Variants in CADPS2 observed in about 807,000 individuals in gnomAD.
CADPS2 encodes calcium-dependent secretion activator 2.
Under a neutral mutation model 172.5 loss-of-function variants are expected in CADPS2, and 93 were observed. The ratio of observed to expected loss-of-function variants is 0.54; its 90% CI spans 0.46 to 0.64. The LOEUF (loss-of-function observed/expected upper bound fraction) is 0.64, where lower values mean the gene tolerates loss of function less well. Among genes scored for constraint, CADPS2 ranks in the 30% least tolerant of loss-of-function variants. CADPS2 has a pLI of 0.00. For missense variants in CADPS2, 1,420 were observed against 1,565.9 expected (o/e 0.91, Z 1.57); for synonymous variants, 546 against 555.2 (o/e 0.98, Z 0.23).
At chr7:122,498,115 T>A (rs1010797047) in intron 9 of CADPS2, among the ~76,000 whole-genome samples, 1 of 152,076 alleles carries the variant, frequency 6.6e-6, no homozygotes. Context: ...GCCTGGCTAA[T>A]TTTTGTATTT....
intron 19 of CADPS2, among the ~76,000 whole-genome samples, chr7:122,410,443 CT>C (rs5887087): frequency 0.024 from 3,325 of 138,240 alleles, 41 homozygotes; most frequent in East Asian, 0.043. Flanking sequence ...CTTGGAAAGC[CT>C]TTTTTTTTTT....
intron 14 of CADPS2, among the ~76,000 whole-genome samples, chr7:122,452,689 C>T (rs769906954): frequency 3.3e-5 from 5 of 152,132 alleles, no homozygotes; most frequent in Non-Finnish European, 7.4e-5. Flanking sequence ...AGCCACCGTG[C>T]CCAGCTTAGC....
intron 15 of CADPS2, among the ~76,000 whole-genome samples, chr7:122,448,573 C>T (rs566251249): frequency 9.2e-5 from 14 of 152,232 alleles, no homozygotes; most frequent in Admixed American, 4.6e-4. Context: ...CAATAAATGA[C>T]GTGGACATCC....
intron 4 of CADPS2, among the ~76,000 whole-genome samples, chr7:122,625,225 T>G (rs1259649377): frequency 3.3e-5 from 5 of 152,024 alleles, no homozygotes; most frequent in Non-Finnish European, 4.4e-5. Flanking sequence ...TAATTTTGTA[T>G]TTTTAGTAGA....
At chr7:122,716,553 T>A (rs950436088) in intron 2 of CADPS2, among the ~76,000 whole-genome samples, 2 of 151,998 alleles carry the variant, frequency 1.3e-5, no homozygotes, top group Non-Finnish European at 2.9e-5. Flanking sequence ...CGGGGAGGGA[T>A]AGCATTAGGA....
intron 1 of CADPS2, among the ~76,000 whole-genome samples, chr7:122,763,086 G>T (rs1278056497): frequency 6.6e-6 from 1 of 152,078 alleles, no homozygotes; most frequent in East Asian, 1.9e-4. Context: ...TGTGTTAACA[G>T]GCCTTTGGAT....
At chr7:122,740,093 A>C (rs897992880) in intron 1 of CADPS2, among the ~76,000 whole-genome samples, 1 of 152,184 alleles carries the variant, frequency 6.6e-6, no homozygotes, top group Admixed American at 6.5e-5. Context: ...GATGCTGGCA[A>C]GGATATAGAC....
intron 3 of CADPS2, among the ~76,000 whole-genome samples, chr7:122,654,532 A>G (rs2079525940): frequency 6.6e-6 from 1 of 152,210 alleles, no homozygotes; most frequent in African/African-American, 2.4e-5. Context: ...TGCTCCATAA[A>G]TGGAACAACA....
At chr7:122,708,309 A>C (rs1411944197) in intron 2 of CADPS2, among the ~76,000 whole-genome samples, 1 of 151,500 alleles carries the variant, frequency 6.6e-6, no homozygotes, top group East Asian at 1.9e-4. Flanking sequence ...CTATCCAGTA[A>C]TATTCCTTAT....
intron 27 of CADPS2, among the ~76,000 whole-genome samples, chr7:122,347,091 C>T (rs568243041): frequency 5.3e-5 from 8 of 152,264 alleles, no homozygotes; most frequent in African/African-American, 1.7e-4. Context: ...TGCATCATTT[C>T]GTATTCACAG....
intron 2 of CADPS2, among the ~76,000 whole-genome samples, chr7:122,733,044 A>AAT (rs2091837792): frequency 6.6e-6 from 1 of 151,248 alleles, no homozygotes; most frequent in Non-Finnish European, 1.5e-5. Flanking sequence ...TACAGCAAAC[A>AAT]ATATATATAA....
At chr7:122,505,566 C>A (rs187563240) in intron 9 of CADPS2, among the ~76,000 whole-genome samples, 2 of 152,210 alleles carry the variant, frequency 1.3e-5, no homozygotes, top group African/African-American at 4.8e-5. Context: ...AAAATATCAT[C>A]CAACAGACCT....
At chr7:122,710,679 A>G (rs1026459158) in intron 2 of CADPS2, among the ~76,000 whole-genome samples, 1 of 152,070 alleles carries the variant, frequency 6.6e-6, no homozygotes, top group Non-Finnish European at 1.5e-5. Context: ...CCAGCTAATA[A>G]AATTCCCATC....
chr7:122,496,468 GT>G lies in CADPS2; in HGVS notation c.1543-5049del, dbSNP rs551095973. The stretch of plus-strand genomic sequence containing the variant: ...TGAGTCACCACGCCTGGCCTTGATT[GT>G]TTTTTTAAACTCATATAATTAGCTT... On this transcript the variant is annotated intron_variant, in intron 9 of 29. Transcript: ENST00000449022. Among the ~76,000 whole-genome samples the G allele has an allele frequency of 1.8e-3, 272 of 151,930 alleles. 2 individuals are homozygous for G. The highest frequency in any genetic ancestry group is 6.2e-3 in the African/African-American group (256 of 41,468).
intron 3 of CADPS2, among the ~76,000 whole-genome samples, chr7:122,645,900 AT>A (rs934130194): frequency 4.6e-5 from 7 of 151,204 alleles, no homozygotes; most frequent in African/African-American, 1.7e-4. Flanking sequence ...TGGTATTAAC[AT>A]TTCATCTTCT....
intron 1 of CADPS2, among the ~76,000 whole-genome samples, chr7:122,751,003 A>C (rs2092931508): frequency 6.6e-6 from 1 of 152,194 alleles, no homozygotes; most frequent in Non-Finnish European, 1.5e-5. Context: ...TAAAAACGAA[A>C]AGATAAATAT....
chr7:122,865,823 G>C (rs1027045471), intron 1 of CADPS2, among the ~76,000 whole-genome samples: 1 of 152,190 alleles, frequency 6.6e-6, no homozygotes, highest in Non-Finnish European at 1.5e-5. Flanking sequence ...ACATCTTGGA[G>C]GTCCACTAGC....
At chr7:122,437,434 A>C (rs2050771739) in intron 17 of CADPS2, among the ~76,000 whole-genome samples, 1 of 152,150 alleles carries the variant, frequency 6.6e-6, no homozygotes, top group Non-Finnish European at 1.5e-5. Context: ...GAATTTTGGT[A>C]AAACTATACT....
At chr7:122,586,889 A>C (rs2069789075) in intron 6 of CADPS2, among the ~76,000 whole-genome samples, 1 of 151,996 alleles carries the variant, frequency 6.6e-6, no homozygotes, top group South Asian at 2.1e-4. Flanking sequence ...TTCATTTCCA[A>C]TACAGTGAGT....
Sources: gnomAD v4.1 joint callset for allele counts (sites outside exome capture counted in the v4.1 genomes callset) on GRCh38, gnomAD v4.1.1 for gene constraint, MANE v1.5 for transcripts, NCBI Gene and HGNC (gene_info 2026-07-23, HGNC 2026-07-21) for gene names.